Variants in TRPC4 observed in about 807,000 individuals in gnomAD.
TRPC4 encodes short transient receptor potential channel 4.
A neutral mutation model predicts 99.4 loss-of-function variants in TRPC4; 49 were observed. The ratio of observed to expected loss-of-function variants is 0.49; its 90% CI spans 0.39 to 0.63. The LOEUF (loss-of-function observed/expected upper bound fraction) is 0.63. TRPC4 is among the 20% of genes least tolerant of loss of function. TRPC4 has a pLI of 0.00. For synonymous variants in TRPC4, 454 were observed against 425.9 expected, an observed-to-expected ratio of 1.07 and a Z score of -0.81; for missense variants, 898 against 1,152.9, an observed-to-expected ratio of 0.78 and a Z score of 3.20.
At chr13:37,792,124 G>C (rs1347715944) in intron 1 of TRPC4, among the ~76,000 whole-genome samples, 2 of 152,128 alleles carry the variant, frequency 1.3e-5, no homozygotes, top group Admixed American at 6.6e-5. Context: ...TGGAAACTAA[G>C]AGACCATCTG....
chr13:37,833,953 G>A (rs375260987), intron 1 of TRPC4, among the ~76,000 whole-genome samples: 20 of 152,142 alleles, frequency 1.3e-4, no homozygotes, highest in African/African-American at 3.6e-4. Context: ...CAAGTGTAGC[G>A]GTTATACTTG....
At chr13:37,760,748 G>GAGA (rs1285144793) in intron 2 of TRPC4, among the ~76,000 whole-genome samples, 3 of 151,944 alleles carry the variant, frequency 2.0e-5, no homozygotes, top group Non-Finnish European at 4.4e-5. Flanking sequence ...TATTGTGAGT[G>GAGA]TTAGTGTATT....
At position 37,752,075 on chromosome 13, in the gene TRPC4, C is replaced by CTATATATATGTATATA. The variant is rs1555266914; in HGVS notation, c.379-5621_379-5620insTATATACATATATATA. 6.9e-4 allele frequency among the ~76,000 whole-genome samples: 51 copies of CTATATATATGTATATA among 73,954 alleles called. 7 individuals carry two copies. Among genetic ancestry groups the CTATATATATGTATATA allele is most frequent in the African/African-American group, 2.0e-3 (36 of 17,604 alleles). The allele number at this position is 73,954 out of a possible 152,430, so 48.5% of individuals were successfully genotyped here. A position where few individuals can be genotyped will look rare whatever the true frequency, so the allele number is the denominator to read the frequency against. On this transcript the variant is annotated intron_variant, in intron 2 of 10. Transcript: ENST00000379705. Reference sequence around the variant, plus strand: ...TACCAAAACCTGATAAAGCAGAAAACTATATATATATATATATATATGACT... The same window carrying CTATATATATGTATATA: ...TACCAAAACCTGATAAAGCAGAAAACTATATATATGTATATATATATATATATATATATATATGACT...
intron 1 of TRPC4, among the ~76,000 whole-genome samples, chr13:37,801,448 G>A (rs1011149206): frequency 1.3e-5 from 2 of 152,020 alleles, no homozygotes; most frequent in African/African-American, 4.8e-5. Flanking sequence ...TTGGGTGTGA[G>A]GGCAGTCGCT....
chr13:37,759,868 T>G (rs925926115), intron 2 of TRPC4, among the ~76,000 whole-genome samples: 1 of 134,144 alleles, frequency 7.5e-6, no homozygotes, highest in Non-Finnish European at 1.8e-5. Flanking sequence ...ATATTTCTTA[T>G]ATTTATTTCA....
chr13:37,700,975 G>A (rs1034194), intron 3 of TRPC4, among the ~76,000 whole-genome samples: 17,972 of 152,086 alleles, frequency 0.12, 1,142 homozygotes, highest in East Asian at 0.27. Flanking sequence ...TTAATGATCT[G>A]TTAATTGAGG....
At chr13:37,655,785 C>T (rs922209905) in intron 6 of TRPC4, among the ~76,000 whole-genome samples, 4 of 152,060 alleles carry the variant, frequency 2.6e-5, no homozygotes, top group African/African-American at 9.7e-5. Context: ...GAACATATGG[C>T]TCAGAAAACC....
chr13:37,801,696 G>T (rs1263461254), intron 1 of TRPC4, among the ~76,000 whole-genome samples: 1 of 152,014 alleles, frequency 6.6e-6, no homozygotes, highest in Non-Finnish European at 1.5e-5. Flanking sequence ...TTTTCCTTCT[G>T]AAATGTTCCT....
intron 3 of TRPC4, among the ~76,000 whole-genome samples, chr13:37,717,792 T>C (rs764194743): frequency 6.6e-6 from 1 of 152,044 alleles, no homozygotes; most frequent in Non-Finnish European, 1.5e-5. Flanking sequence ...TACCTTCTTA[T>C]GGAAGCCCTA....
At chr13:37,844,902 C>G (rs983644697) in intron 1 of TRPC4, among the ~76,000 whole-genome samples, 1 of 152,100 alleles carries the variant, frequency 6.6e-6, no homozygotes, top group Admixed American at 6.6e-5. Flanking sequence ...AGCCTTGGAT[C>G]CCAGCAAATG....
intron 1 of TRPC4, among the ~76,000 whole-genome samples, chr13:37,848,117 A>G (rs1958953803): frequency 6.6e-6 from 1 of 152,188 alleles, no homozygotes; most frequent in African/African-American, 2.4e-5. Flanking sequence ...TTGTCAGGAC[A>G]TAAGCCCATC....
intron 1 of TRPC4, among the ~76,000 whole-genome samples, chr13:37,813,102 G>T (rs1957751080): frequency 1.3e-5 from 2 of 151,544 alleles, no homozygotes; most frequent in Admixed American, 6.6e-5. Context: ...ATAACAAGAA[G>T]AAATCTGGGA....
At chr13:37,778,857 A>T in intron 2 of TRPC4, among the ~76,000 whole-genome samples, 1 of 152,112 alleles carries the variant, frequency 6.6e-6, no homozygotes, top group African/African-American at 2.4e-5. Context: ...AGTATGAGAC[A>T]TCTAACATAA....
At chr13:37,767,518 C>T (rs961070281) in intron 2 of TRPC4, among the ~76,000 whole-genome samples, 2 of 151,224 alleles carry the variant, frequency 1.3e-5, no homozygotes, top group African/African-American at 4.8e-5. Context: ...GAAGGCTCCT[C>T]AGAACCCCGT....
At chr13:37,736,621 T>A (rs1303499964) in intron 3 of TRPC4, among the ~76,000 whole-genome samples, 1 of 152,148 alleles carries the variant, frequency 6.6e-6, no homozygotes, top group Non-Finnish European at 1.5e-5. Context: ...GGAAGAGTTA[T>A]TAGGGGCTGG....
chr13:37,762,208 C>T (rs1956241742), intron 2 of TRPC4, among the ~76,000 whole-genome samples: 1 of 151,766 alleles, frequency 6.6e-6, no homozygotes, highest in Non-Finnish European at 1.5e-5. Flanking sequence ...AACTAGTTTA[C>T]AGTCCCACCA....
chr13:37,646,583 C>T (rs1289976279), intron 8 of TRPC4, among the ~76,000 whole-genome samples: 4 of 152,056 alleles, frequency 2.6e-5, no homozygotes, highest in Non-Finnish European at 5.9e-5. Flanking sequence ...TGTACTCACA[C>T]GAATTAAAGA....
intron 3 of TRPC4, among the ~76,000 whole-genome samples, chr13:37,705,312 G>A (rs1266507710): frequency 6.6e-6 from 1 of 152,132 alleles, no homozygotes; most frequent in Non-Finnish European, 1.5e-5. Context: ...GGGTGGAGTT[G>A]AGGAAGATGT....
chr13:37,673,215 A>C (rs1455514777), intron 5 of TRPC4, among the ~76,000 whole-genome samples: 1 of 150,798 alleles, frequency 6.6e-6, no homozygotes, highest in Non-Finnish European at 1.5e-5. Context: ...CTGTCCTTGC[A>C]ATAGTTTGCT....
Sources: gnomAD v4.1 joint callset for allele counts (sites outside exome capture counted in the v4.1 genomes callset) on GRCh38, gnomAD v4.1.1 for gene constraint, MANE v1.5 for transcripts, NCBI Gene and HGNC (gene_info 2026-07-23, HGNC 2026-07-21) for gene names.